Variants in BNC2 observed in about 807,000 individuals in gnomAD.
BNC2 encodes the protein zinc finger protein basonuclin-2.
Under a neutral mutation model 76.3 loss-of-function variants are expected in BNC2, and 20 were observed. That is an observed-to-expected ratio of 0.26 (90% CI 0.18 to 0.38). The LOEUF (loss-of-function observed/expected upper bound fraction) is 0.38, where lower values mean the gene tolerates loss of function less well. Ranked by LOEUF, BNC2 falls within the 10% of genes least tolerant of loss-of-function variation. The pLI, the probability that BNC2 is intolerant of heterozygous loss-of-function variation, is 1.00. For missense variants in BNC2, 1,382 were observed against 1,399.8 expected (o/e 0.99, Z 0.20); for synonymous variants, 582 against 514.8 (o/e 1.13, Z -1.77).
intron 5 of BNC2, among the ~76,000 whole-genome samples, chr9:16,506,513 C>CTTTTTTTTTTTTTT (rs568955982): frequency 9.2e-5 from 4 of 43,346 alleles, no homozygotes; most frequent in African/African-American, 2.4e-4. Flanking sequence ...TCTCTCTCCT[C>CTTTTTTTTTTTTTT]TTTTTTTTTT....
chr9:16,840,690 C>T (rs1418054141), intron 1 of BNC2, among the ~76,000 whole-genome samples: 1 of 152,114 alleles, frequency 6.6e-6, no homozygotes, highest in Non-Finnish European at 1.5e-5. Flanking sequence ...AATTGGTATT[C>T]CTATGCTTGT....
chr9:16,754,166 G>C (rs1051720319), intron 1 of BNC2, among the ~76,000 whole-genome samples: 1 of 152,214 alleles, frequency 6.6e-6, no homozygotes, highest in Non-Finnish European at 1.5e-5. Context: ...CACACTGCCA[G>C]TTGGTAAAAT....
intron 1 of BNC2, among the ~76,000 whole-genome samples, chr9:16,846,521 C>T (rs923680473): frequency 2.0e-5 from 3 of 152,232 alleles, no homozygotes; most frequent in African/African-American, 7.2e-5. Flanking sequence ...CCAGCATTAA[C>T]TGCTCCCAGT....
intron 3 of BNC2, chr9:16,685,571 C>T: frequency 7.7e-7 from 1 of 1,304,284 alleles, no homozygotes; most frequent in South Asian, 1.2e-5. Context: ...TGGTATGGCT[C>T]CTCCAGGTTT....
At chr9:16,610,365 A>T (rs899588369) in intron 3 of BNC2, among the ~76,000 whole-genome samples, 1 of 152,220 alleles carries the variant, frequency 6.6e-6, no homozygotes, top group Non-Finnish European at 1.5e-5. Flanking sequence ...GCCAGTGAGT[A>T]ACATCTTTCC....
intron 1 of BNC2, among the ~76,000 whole-genome samples, chr9:16,778,634 T>C (rs145357682): frequency 1.3e-5 from 2 of 152,224 alleles, no homozygotes; most frequent in Non-Finnish European, 2.9e-5. Flanking sequence ...AGCACACTTC[T>C]AGTGCACATT....
chr9:16,738,702 T>C (rs564808790), intron 1 of BNC2, among the ~76,000 whole-genome samples: 1 of 152,284 alleles, frequency 6.6e-6, no homozygotes, highest in African/African-American at 2.4e-5. Flanking sequence ...CTGAATAATT[T>C]GCTGATTGAT....
intron 1 of BNC2, among the ~76,000 whole-genome samples, chr9:16,773,114 T>C (rs1293028336): frequency 1.3e-5 from 2 of 152,150 alleles, no homozygotes; most frequent in Non-Finnish European, 2.9e-5. Context: ...TCTGTCCTGA[T>C]TGCTGTTCTT....
At chr9:16,614,376 G>A (rs1820636628) in intron 3 of BNC2, among the ~76,000 whole-genome samples, 1 of 151,286 alleles carries the variant, frequency 6.6e-6, no homozygotes, top group African/African-American at 2.4e-5. Flanking sequence ...ATCAACACAT[G>A]TATGCTTCAA....
chr9:16,479,915 T>C (rs1258186829), intron 5 of BNC2, among the ~76,000 whole-genome samples: 2 of 152,226 alleles, frequency 1.3e-5, no homozygotes, highest in African/African-American at 4.8e-5. Flanking sequence ...CAAATGTTTC[T>C]AAAATCTTTA....
chr9:16,828,939 G>A (rs926034914), intron 1 of BNC2, among the ~76,000 whole-genome samples: 42 of 150,874 alleles, frequency 2.8e-4, no homozygotes, highest in African/African-American at 9.4e-4. Context: ...AGATGGCCCC[G>A]AAGCGACTCC....
rs768118338 is a variant in BNC2 at position 16,419,316 on chromosome 9, A to G, written c.2973T>C (p.Asp991=). Residue 991 remains aspartate, a synonymous_variant, in exon 7 of 7, where the codon GAT becomes GAC. Transcript: ENST00000380672. ...DAGSDEGILL[D]DIDGASDSGE... ...CACTGTCACTCGCCCCGTCAATGTCATCGAGAAGAATCCCCTCATCGCTGC... is the reference window on the plus strand; with the variant it reads ...CACTGTCACTCGCCCCGTCAATGTCGTCGAGAAGAATCCCCTCATCGCTGC... 21 of 1,613,338 alleles carry G rather than the reference A, an allele frequency of 1.3e-5. No individual in the cohort carries two copies. The African/African-American group carries it at 2.1e-4, about 16-fold the overall frequency.
chr9:16,790,890 T>C (rs1817486343), intron 1 of BNC2, among the ~76,000 whole-genome samples: 1 of 151,670 alleles, frequency 6.6e-6, no homozygotes, highest in Non-Finnish European at 1.5e-5. Flanking sequence ...ACACTTCATT[T>C]ATTTGATGCA....
At chr9:16,836,698 G>A (rs1292662197) in intron 1 of BNC2, among the ~76,000 whole-genome samples, 1 of 152,036 alleles carries the variant, frequency 6.6e-6, no homozygotes, top group East Asian at 1.9e-4. Flanking sequence ...GAATTTTAAA[G>A]TGAAATTGCT....
At chr9:16,572,904 C>T (rs774839520) in intron 4 of BNC2, among the ~76,000 whole-genome samples, 10 of 152,094 alleles carry the variant, frequency 6.6e-5, no homozygotes, top group Non-Finnish European at 1.3e-4. Context: ...TTCTCTCATA[C>T]CTAGAGCCTA....
chr9:16,610,002 T>C (rs552634626), intron 3 of BNC2, among the ~76,000 whole-genome samples: 8 of 152,324 alleles, frequency 5.3e-5, no homozygotes, highest in Middle Eastern at 3.4e-3. Flanking sequence ...AAATCACTTA[T>C]GTCCCTTAAT....
intron 1 of BNC2, among the ~76,000 whole-genome samples, chr9:16,808,484 T>TTTC (rs1817966975): frequency 8.1e-6 from 1 of 123,414 alleles, no homozygotes; most frequent in Non-Finnish European, 1.7e-5. Flanking sequence ...GGCAACTTTT[T>TTTC]TTTTTTTTTT....
Position 16,555,395 on chromosome 9 carries a change from C to T in BNC2, c.434-2630G>A, listed in dbSNP as rs1017510242. Among the ~76,000 whole-genome samples, 2 of 152,186 alleles carry T rather than the reference C, an allele frequency of 1.3e-5. 1 individual carries two copies. Among genetic ancestry groups the T allele is most frequent in the Admixed American group, 1.3e-4 (2 of 15,292 alleles). On this transcript the variant is annotated intron_variant, in intron 4 of 6. Transcript: ENST00000380672. ...AGAAGAAAAGAGAATTAAAAGAGCA[C>T]AGAAAGAACAAAAATATTTCCCTAG...
At chr9:16,791,479 T>C (rs1179709703) in intron 1 of BNC2, among the ~76,000 whole-genome samples, 1 of 152,096 alleles carries the variant, frequency 6.6e-6, no homozygotes, top group African/African-American at 2.4e-5. Flanking sequence ...AAGTGAGAAA[T>C]ATCTGCATTT....
Sources: gnomAD v4.1 joint callset for allele counts (sites outside exome capture counted in the v4.1 genomes callset) on GRCh38, gnomAD v4.1.1 for gene constraint, MANE v1.5 for transcripts, NCBI Gene and HGNC (gene_info 2026-07-23, HGNC 2026-07-21) for gene names.